Variants in CPXM2 observed in about 807,000 individuals in gnomAD.
CPXM2 encodes the protein inactive carboxypeptidase-like protein X2.
CPXM2 carries 66 observed loss-of-function variants against 86.1 expected under a neutral mutation model. The observed-to-expected ratio is 0.77, with a 90% CI of 0.63 to 0.94. The LOEUF (loss-of-function observed/expected upper bound fraction) is 0.94. Among genes scored for constraint, CPXM2 ranks in the 40% least tolerant of loss-of-function variants. The probability of loss-of-function intolerance (pLI) is 0.00; values close to 1 mark genes in which losing one functional copy is unlikely to be tolerated. For synonymous variants in CPXM2, 388 were observed against 400.2 expected, an observed-to-expected ratio of 0.97 and a Z score of 0.36; for missense variants, 948 against 1,026.3, an observed-to-expected ratio of 0.92 and a Z score of 1.04.
At position 123,866,000 on chromosome 10, in the gene CPXM2, C is replaced by G. The variant is rs538483186; in HGVS notation, c.404-3277G>C. 1.3e-5 allele frequency among the ~76,000 whole-genome samples: 2 copies of G among 152,134 alleles called. No homozygotes were observed. The highest frequency in any genetic ancestry group is 2.4e-5 in the African/African-American group (1 of 41,432). On this transcript the variant is annotated intron_variant, in intron 2 of 13. Coordinates refer to ENST00000241305, the MANE Select transcript of CPXM2 (RefSeq NM_198148.3). The surrounding 1 kb of genome is among the most constrained non-coding windows in gnomAD (Gnocchi z 4.7). Reference sequence around the variant, plus strand: ...TCCCTCTCAGCCACTCCTCCACCCCCACACCACACACAGCCCTGGTTTCCA... The same window carrying G: ...TCCCTCTCAGCCACTCCTCCACCCCGACACCACACACAGCCCTGGTTTCCA...
chr10:123,852,295 G>T (rs28699067), intron 3 of CPXM2, among the ~76,000 whole-genome samples: 35,544 of 151,856 alleles, frequency 0.23, 4,337 homozygotes, highest in East Asian at 0.41. Context: ...TATCAGAGTT[G>T]CAGGTTAAAA....
intron 2 of CPXM2, among the ~76,000 whole-genome samples, chr10:123,902,822 C>T (rs1945396037): frequency 6.6e-6 from 1 of 152,194 alleles, no homozygotes; most frequent in Non-Finnish European, 1.5e-5. Flanking sequence ...AGTGAACACT[C>T]AGGAAAGGCT....
chr10:123,787,632 T>C (rs1487249035), intron 6 of CPXM2, among the ~76,000 whole-genome samples: 1 of 152,216 alleles, frequency 6.6e-6, no homozygotes, highest in Non-Finnish European at 1.5e-5. Context: ...GTCCCATTAC[T>C]GGGACTTCAA....
intron 4 of CPXM2, among the ~76,000 whole-genome samples, chr10:123,802,147 G>C (rs1483931612): frequency 6.6e-6 from 1 of 152,166 alleles, no homozygotes; most frequent in Non-Finnish European, 1.5e-5. Context: ...TAGGCTTTTA[G>C]GCCATTTGAT....
In CPXM2 at chr10:123,793,231, G is replaced by A. The variant is rs548390203; in HGVS notation, c.889+4745C>T. ...TGTAATCCCAGCACTTTGGGAGGCCGAGGCGGGTGGATGACGAGGTCAGGA... is the reference window on the plus strand; with the variant it reads ...TGTAATCCCAGCACTTTGGGAGGCCAAGGCGGGTGGATGACGAGGTCAGGA... On this transcript the variant is annotated intron_variant, in intron 6 of 13. Transcript: ENST00000241305. Among the ~76,000 whole-genome samples the A allele has an allele frequency of 2.7e-3, 405 of 152,158 alleles. 1 individual carries two copies. Among genetic ancestry groups the A allele is most frequent in the African/African-American group, 6.2e-3 (259 of 41,520 alleles).
intron 6 of CPXM2, among the ~76,000 whole-genome samples, chr10:123,790,769 A>G (rs1459762271): frequency 6.6e-6 from 1 of 152,120 alleles, no homozygotes; most frequent in Non-Finnish European, 1.5e-5. Flanking sequence ...GATTCCCAAG[A>G]GTCTGCCTCA....
chr10:123,792,605 A>C (rs573675764), intron 6 of CPXM2, among the ~76,000 whole-genome samples: 1 of 152,322 alleles, frequency 6.6e-6, no homozygotes. Flanking sequence ...CAGGGAGAGC[A>C]CAGTTCTAAC....
chr10:123,929,903 T>C (rs1033895730), intron 2 of CPXM2, among the ~76,000 whole-genome samples: 3 of 152,166 alleles, frequency 2.0e-5, no homozygotes, highest in African/African-American at 7.2e-5. Flanking sequence ...GGGTCATGCT[T>C]CCTTCCTTGG....
chr10:123,761,846 C>G (rs2133987621), intron 11 of CPXM2, 26 bp downstream of exon 11: 1 of 1,606,812 alleles, frequency 6.2e-7, no homozygotes, highest in African/African-American at 1.3e-5. Flanking sequence ...CGCCCGCAGC[C>G]CACTCTCCCC....
At chr10:123,752,474 A>G (rs1846100203) in intron 13 of CPXM2, 2 of 985,260 alleles carry the variant, frequency 2.0e-6, no homozygotes, top group African/African-American at 3.5e-5. Flanking sequence ...CATTTCCCCC[A>G]TTTACATATT....
chr10:123,838,705 C>T (rs1848324455), intron 4 of CPXM2, among the ~76,000 whole-genome samples: 1 of 152,178 alleles, frequency 6.6e-6, no homozygotes, highest in African/African-American at 2.4e-5. Flanking sequence ...GCACGCTTAA[C>T]TAGAAAACTC....
intron 2 of CPXM2, among the ~76,000 whole-genome samples, chr10:123,876,069 G>T (rs183581736): frequency 7.2e-4 from 109 of 151,808 alleles, no homozygotes; most frequent in Non-Finnish European, 1.3e-3. Context: ...CACCTGCCTC[G>T]GCCTCCCAAA....
chr10:123,752,578 CA>C (rs1473916898), intron 13 of CPXM2: 1 of 985,262 alleles, frequency 1.0e-6, no homozygotes, highest in Admixed American at 6.1e-5. Flanking sequence ...CCTAATGTCC[CA>C]AAGTCTGCTT....
chr10:123,929,777 C>T (rs939992598), intron 2 of CPXM2, among the ~76,000 whole-genome samples: 2 of 152,174 alleles, frequency 1.3e-5, no homozygotes, highest in South Asian at 2.1e-4. Context: ...TGTCTTAGAG[C>T]GGGGTGTGCA....
At chr10:123,905,201 T>C (rs984177072) in intron 2 of CPXM2, among the ~76,000 whole-genome samples, 1 of 151,764 alleles carries the variant, frequency 6.6e-6, no homozygotes, top group Non-Finnish European at 1.5e-5. Flanking sequence ...AAAGAGGAAA[T>C]GAAGAGAAAA....
chr10:123,927,071 C>T (rs1173061739), intron 2 of CPXM2, among the ~76,000 whole-genome samples: 1 of 152,206 alleles, frequency 6.6e-6, no homozygotes, highest in Non-Finnish European at 1.5e-5. Context: ...GCTCTGCCAA[C>T]CTTCTCACCG....
intron 4 of CPXM2, among the ~76,000 whole-genome samples, chr10:123,837,690 A>G (rs1311824384): frequency 1.3e-5 from 2 of 152,256 alleles, no homozygotes; most frequent in African/African-American, 4.8e-5. Flanking sequence ...AAATTATTCA[A>G]TATCATTAAA....
chr10:123,835,925 G>A (rs1848270261), intron 4 of CPXM2, among the ~76,000 whole-genome samples: 1 of 152,182 alleles, frequency 6.6e-6, no homozygotes, highest in Admixed American at 6.5e-5. Flanking sequence ...GCTTCCTACT[G>A]TGAAAATGGG....
At chr10:123,893,341 G>A (rs1009008854), upstream of CPXM2, among the ~76,000 whole-genome samples, 1 of 152,174 alleles carries the variant, frequency 6.6e-6, no homozygotes, top group African/African-American at 2.4e-5. Flanking sequence ...TCCCTAGAGT[G>A]GGGGCTCCTG....
Sources: gnomAD v4.1 joint callset for allele counts (sites outside exome capture counted in the v4.1 genomes callset) on GRCh38, gnomAD v4.1.1 for gene constraint, Gnocchi (gnomAD v3.1) non-coding constraint, MANE v1.5 for transcripts, NCBI Gene and HGNC (gene_info 2026-07-23, HGNC 2026-07-21) for gene names.